Variants in ABCA13 observed in about 807,000 individuals in gnomAD.
ABCA13 encodes the protein ATP binding cassette subfamily A member 13.
Under a neutral mutation model 478.7 loss-of-function variants are expected in ABCA13, and 476 were observed. The observed-to-expected ratio is 0.99, with a 90% confidence interval of 0.92 to 1.07. ABCA13 has a LOEUF of 1.07. Among genes scored for constraint, ABCA13 ranks in the 50% least tolerant of loss-of-function variants. The probability of loss-of-function intolerance (pLI) is 0.00; values close to 1 mark genes in which losing one functional copy is unlikely to be tolerated. For missense variants in ABCA13, 6,060 were observed against 5,910.6 expected, an observed-to-expected ratio of 1.03 and a Z score of -0.83; for synonymous variants, 2,252 against 2,158.9, an observed-to-expected ratio of 1.04 and a Z score of -1.20.
At chr7:48,559,003 A>G (rs1048170277) in intron 55 of ABCA13, among the ~76,000 whole-genome samples, 3 of 152,096 alleles carry the variant, frequency 2.0e-5, no homozygotes, top group Non-Finnish European at 4.4e-5. Flanking sequence ...GCTAATGTCT[A>G]TCTAACTACC....
intron 55 of ABCA13, among the ~76,000 whole-genome samples, chr7:48,573,539 GAAACA>G (rs1050278408): frequency 6.6e-6 from 1 of 151,686 alleles, no homozygotes; most frequent in African/African-American, 2.4e-5. Flanking sequence ...CCACAAAACA[GAAACA>G]AAACAAAACA....
chr7:48,193,224 T>C (rs1212255811), intron 2 of ABCA13, among the ~76,000 whole-genome samples, 172 bp downstream of exon 2: 1 of 152,090 alleles, frequency 6.6e-6, no homozygotes, highest in Non-Finnish European at 1.5e-5. Context: ...ACAATTTAGG[T>C]TTTGTCTTTT....
intron 15 of ABCA13, among the ~76,000 whole-genome samples, chr7:48,263,947 T>G (rs1258101243): frequency 2.0e-5 from 3 of 151,920 alleles, no homozygotes; most frequent in Non-Finnish European, 4.4e-5. Context: ...CTATTGTCAA[T>G]TCCGGCTTCC....
In ABCA13 at chr7:48,313,327, G is replaced by A. The variant is rs1802054096; in HGVS notation, c.9681+96G>A. 9 of 1,234,844 alleles carry A rather than the reference G, an allele frequency of 7.3e-6. No individual in the cohort carries two copies. In the South Asian group the frequency reaches 1.4e-4, roughly 19 times the overall value. The allele number at this position is 1,234,844 out of a possible 1,614,324, so 76.5% of individuals were successfully genotyped here. A position where few individuals can be genotyped will look rare whatever the true frequency, so the allele number is the denominator to read the frequency against. On this transcript the variant is annotated intron_variant, in intron 25 of 61. Coordinates refer to ENST00000435803, the MANE Select transcript of ABCA13 (RefSeq NM_152701.5). The stretch of plus-strand genomic sequence containing the variant: ...CTTTATCTTCCCACATCTAAAATTT[G>A]CATTAGACAGCAAAATACAGGAATG...
intron 47 of ABCA13, among the ~76,000 whole-genome samples, chr7:48,487,166 C>T (rs540225838): frequency 3.3e-5 from 5 of 152,026 alleles, no homozygotes; most frequent in East Asian, 1.9e-4. Context: ...CAAAATTAGC[C>T]GGGCGTGGTG....
At chr7:48,357,940 G>A (rs551185286) in intron 31 of ABCA13, among the ~76,000 whole-genome samples, 3 of 151,448 alleles carry the variant, frequency 2.0e-5, no homozygotes, top group African/African-American at 7.3e-5. Context: ...TCAGGAATTC[G>A]AGACCAGCCT....
chr7:48,535,436 G>A (rs2131085409), intron 55 of ABCA13, among the ~76,000 whole-genome samples: 1 of 152,304 alleles, frequency 6.6e-6, no homozygotes, highest in Admixed American at 6.5e-5. Flanking sequence ...TGGACTCTGA[G>A]GTTCCTTGGT....
At chr7:48,291,860 A>G (rs1358119043) in intron 20 of ABCA13, among the ~76,000 whole-genome samples, 1 of 152,130 alleles carries the variant, frequency 6.6e-6, no homozygotes, top group African/African-American at 2.4e-5. Context: ...CGGCATTGAC[A>G]CAGACTCAGC....
intron 42 of ABCA13, among the ~76,000 whole-genome samples, chr7:48,431,728 T>C (rs1005145762): frequency 6.6e-6 from 1 of 152,220 alleles, no homozygotes; most frequent in Non-Finnish European, 1.5e-5. Flanking sequence ...ATGTAAGCCT[T>C]ATTTCATATC....
At chr7:48,598,140 T>C (rs1040340754) in intron 58 of ABCA13, among the ~76,000 whole-genome samples, 10 of 152,228 alleles carry the variant, frequency 6.6e-5, no homozygotes, top group Non-Finnish European at 1.2e-4. Flanking sequence ...ACTCATCTTT[T>C]TACTGTCTCC....
chr7:48,198,529 T>C (rs1470762004), intron 3 of ABCA13, among the ~76,000 whole-genome samples, 169 bp downstream of exon 3: 1 of 152,258 alleles, frequency 6.6e-6, no homozygotes. Flanking sequence ...CTCCAACTAA[T>C]GGTTAGCTTC....
At chr7:48,352,517 A>G (rs894730714) in intron 31 of ABCA13, 30 bp downstream of exon 31, 4 of 1,546,060 alleles carry the variant, frequency 2.6e-6, no homozygotes, top group African/African-American at 1.4e-5. Context: ...AGCCACCGAC[A>G]GTGAGAAGGG....
At chr7:48,218,966 G>C (rs183043170) in intron 3 of ABCA13, among the ~76,000 whole-genome samples, 1 of 152,088 alleles carries the variant, frequency 6.6e-6, no homozygotes, top group Non-Finnish European at 1.5e-5. Flanking sequence ...AACATTCTCC[G>C]TAATTATCTC....
chr7:48,422,831 GA>G (rs1820951922), intron 41 of ABCA13, among the ~76,000 whole-genome samples: 1 of 152,244 alleles, frequency 6.6e-6, no homozygotes, highest in Non-Finnish European at 1.5e-5. Context: ...GGGGATCGAG[GA>G]AGGTCAGAGA....
At chr7:48,340,962 G>C (rs1807067942) in intron 29 of ABCA13, among the ~76,000 whole-genome samples, 1 of 152,074 alleles carries the variant, frequency 6.6e-6, no homozygotes, top group Non-Finnish European at 1.5e-5. Context: ...AGTATTTCTT[G>C]ATTTATTTGT....
chr7:48,298,732 G>T (rs930314004), intron 23 of ABCA13, among the ~76,000 whole-genome samples: 7 of 152,172 alleles, frequency 4.6e-5, no homozygotes, highest in Non-Finnish European at 1.0e-4. Flanking sequence ...TCTTTATTTG[G>T]AGTTAGAACA....
At position 48,276,181 on chromosome 7, in the gene ABCA13, T is replaced by TA; in HGVS notation, c.6521dup (p.Asn2174LysfsTer4). 6.3e-7 allele frequency: 1 copy of TA among 1,591,360 alleles called. No individual in the cohort carries two copies. Among genetic ancestry groups the TA allele is most frequent in the Non-Finnish European group, 8.6e-7 (1 of 1,168,980 alleles). ...GCTATTGCTACTTTTTGGGGCTCTT[T>TA]AAAAAATATATCTAGAGCAGGCAAT... On this transcript the variant is annotated frameshift_variant, in exon 17 of 62. Coordinates refer to ENST00000435803, the MANE Select transcript of ABCA13 (RefSeq NM_152701.5). LOFTEE classifies it high-confidence loss of function.
intron 55 of ABCA13, among the ~76,000 whole-genome samples, chr7:48,534,170 A>G (rs1833419440): frequency 6.6e-6 from 1 of 152,136 alleles, no homozygotes; most frequent in South Asian, 2.1e-4. Context: ...TGGGGCTGGT[A>G]GTGGCGAATT....
intron 3 of ABCA13, among the ~76,000 whole-genome samples, chr7:48,199,607 T>C (rs891871314): frequency 2.0e-5 from 3 of 152,192 alleles, no homozygotes; most frequent in Non-Finnish European, 4.4e-5. Flanking sequence ...GGTGCTTACT[T>C]TTTCTGAGAC....
Sources: allele counts gnomAD v4.1 joint callset (sites outside exome capture counted in the v4.1 genomes callset), GRCh38; gene constraint gnomAD v4.1.1; transcripts MANE v1.5; gene names NCBI Gene and HGNC (gene_info 2026-07-23, HGNC 2026-07-21).